Variants in KCNT2 observed in about 807,000 individuals in gnomAD.
The protein encoded by KCNT2 is potassium channel subfamily T member 2.
A neutral mutation model predicts 153.8 loss-of-function variants in KCNT2; 67 were observed. The ratio of observed to expected loss-of-function variants is 0.44; its 90% confidence interval spans 0.36 to 0.53. KCNT2 has a LOEUF of 0.53. KCNT2 is among the 20% of genes least tolerant of loss of function. The pLI is 0.00. For missense variants in KCNT2, 975 were observed against 1,354.8 expected (o/e 0.72, Z 4.40); for synonymous variants, 500 against 458.8 (o/e 1.09, Z -1.15).
chr1:196,322,328 G>A (rs1271262883), intron 19 of KCNT2, among the ~76,000 whole-genome samples: 1 of 151,668 alleles, frequency 6.6e-6, no homozygotes, highest in African/African-American at 2.4e-5. Flanking sequence ...ATATAAAGAA[G>A]TATTTGATAA....
chr1:196,284,246 A>ATATATAT (rs1206881924), intron 23 of KCNT2, among the ~76,000 whole-genome samples: 1 of 14,118 alleles, frequency 7.1e-5, no homozygotes, highest in African/African-American at 8.3e-5. Flanking sequence ...AAAAAAAAAA[A>ATATATAT]AAATATATAT....
chr1:196,524,429 TG>T lies in KCNT2; in HGVS notation c.96-32089del, dbSNP rs568814874. Among the ~76,000 whole-genome samples, 58 of 152,292 alleles carry T rather than the reference TG, an allele frequency of 3.8e-4. No individual in the cohort carries two copies. The South Asian group carries it at 7.7e-3, about 20-fold the overall frequency. On this transcript the variant is annotated intron_variant, in intron 1 of 27. Transcript: ENST00000294725. ...TTGTTACCAAAAATGAGACAATGGA[TG>T]TCCAGTGGTATAAAATAACATGTCC...
intron 25 of KCNT2, among the ~76,000 whole-genome samples, chr1:196,263,407 AT>A (rs1234470569): frequency 6.6e-6 from 1 of 152,116 alleles, no homozygotes; most frequent in Non-Finnish European, 1.5e-5. Flanking sequence ...AACACTGCAT[AT>A]TCTCACTCAT....
intron 12 of KCNT2, among the ~76,000 whole-genome samples, 183 bp from the exon 13 acceptor site, chr1:196,398,854 A>G (rs1313431790): frequency 6.6e-6 from 1 of 151,684 alleles, no homozygotes; most frequent in Non-Finnish European, 1.5e-5. Flanking sequence ...AGCTAATTCA[A>G]TCATAGCTAA....
At chr1:196,600,976 C>A (rs1156337878) in intron 1 of KCNT2, among the ~76,000 whole-genome samples, 1 of 152,174 alleles carries the variant, frequency 6.6e-6, no homozygotes, top group East Asian at 1.9e-4. Flanking sequence ...GTGCTCCAGG[C>A]CCATCCTTCT....
At chr1:196,522,865 CACTCTGTAAAATGGACCAATCAGT>C (rs926373835) in intron 1 of KCNT2, among the ~76,000 whole-genome samples, 3 of 152,086 alleles carry the variant, frequency 2.0e-5, no homozygotes, top group African/African-American at 7.2e-5. Flanking sequence ...GACCAATCAG[CACTCTGTAAAATGGACCAATCAGT>C]GCTCTGTAAA....
chr1:196,527,715 T>C (rs1654420490), intron 1 of KCNT2, among the ~76,000 whole-genome samples: 1 of 152,184 alleles, frequency 6.6e-6, no homozygotes. Flanking sequence ...AAATATGAAG[T>C]TACCATTTGA....
At chr1:196,463,696 G>C (rs1034824922) in intron 8 of KCNT2, among the ~76,000 whole-genome samples, 2 of 151,616 alleles carry the variant, frequency 1.3e-5, no homozygotes, top group Non-Finnish European at 2.9e-5. Context: ...ACATTATATA[G>C]TGGAAATTTC....
chr1:196,579,773 A>G (rs1252735656), intron 1 of KCNT2, among the ~76,000 whole-genome samples: 1 of 152,086 alleles, frequency 6.6e-6, no homozygotes, highest in Non-Finnish European at 1.5e-5. Flanking sequence ...GATTATGAGC[A>G]TGAGCCACCA....
At chr1:196,582,060 A>G (rs781017285) in intron 1 of KCNT2, among the ~76,000 whole-genome samples, 1 of 152,030 alleles carries the variant, frequency 6.6e-6, no homozygotes, top group Non-Finnish European at 1.5e-5. Context: ...ATATTTACTT[A>G]TCAACTTCTC....
chr1:196,301,317 T>C (rs973051817), intron 22 of KCNT2, among the ~76,000 whole-genome samples: 2 of 152,176 alleles, frequency 1.3e-5, no homozygotes, highest in African/African-American at 4.8e-5. Flanking sequence ...CATTGCATGG[T>C]GGGGCAATCA....
chr1:196,436,256 A>G (rs549155820), intron 8 of KCNT2, among the ~76,000 whole-genome samples: 247 of 151,756 alleles, frequency 1.6e-3, no homozygotes, highest in South Asian at 5.4e-3. Context: ...GATAATAAAT[A>G]TAAAGACTTA....
intron 1 of KCNT2, among the ~76,000 whole-genome samples, chr1:196,496,127 A>G (rs1680231208): frequency 6.6e-6 from 1 of 152,042 alleles, no homozygotes; most frequent in Non-Finnish European, 1.5e-5. Flanking sequence ...ATATTTCTAC[A>G]GTAAGACCTC....
intron 14 of KCNT2, among the ~76,000 whole-genome samples, chr1:196,345,998 T>C (rs552457415): frequency 2.0e-4 from 31 of 152,296 alleles, no homozygotes; most frequent in African/African-American, 7.2e-4. Flanking sequence ...ACAGACATAG[T>C]GTATGTGAGG....
intron 1 of KCNT2, among the ~76,000 whole-genome samples, chr1:196,509,401 T>C (rs956427775): frequency 6.6e-6 from 1 of 152,128 alleles, no homozygotes; most frequent in African/African-American, 2.4e-5. Flanking sequence ...GCAGTCAAAG[T>C]TCATAATCTA....
At chr1:196,495,647 C>T (rs1012716520) in intron 1 of KCNT2, among the ~76,000 whole-genome samples, 1 of 152,138 alleles carries the variant, frequency 6.6e-6, no homozygotes, top group East Asian at 1.9e-4. Context: ...AGTTAGTGTA[C>T]TCTTTCTGGA....
rs146407721 is a variant in KCNT2 at position 196,445,021 on chromosome 1, A to T, written c.639-15264T>A. On this transcript the variant is annotated intron_variant, in intron 8 of 27. Coordinates refer to ENST00000294725, the MANE Select transcript of KCNT2 (RefSeq NM_198503.5). ...CTAAGTTGTGAGCCCTTTATTCTCT[A>T]CAACCTACTTTTCTTTTTGCTTAAA... Among the ~76,000 whole-genome samples the T allele has an allele frequency of 8.0e-3, 1,217 of 151,500 alleles. 6 individuals are homozygous for T. The highest frequency in any genetic ancestry group is 0.017 in the Middle Eastern group (5 of 294).
At chr1:196,389,622 C>T (rs1033152091) in intron 13 of KCNT2, among the ~76,000 whole-genome samples, 3 of 151,612 alleles carry the variant, frequency 2.0e-5, no homozygotes, top group African/African-American at 7.3e-5. Context: ...AGATGTCAAA[C>T]CTCAAATGAG....
chr1:196,570,994 A>G (rs1191232414), intron 1 of KCNT2, among the ~76,000 whole-genome samples: 1 of 152,094 alleles, frequency 6.6e-6, no homozygotes, highest in East Asian at 1.9e-4. Flanking sequence ...CACTGTTCTA[A>G]TATGTCCCAT....
Sources: gnomAD v4.1 joint callset for allele counts (sites outside exome capture counted in the v4.1 genomes callset) on GRCh38, gnomAD v4.1.1 for gene constraint, MANE v1.5 for transcripts, NCBI Gene and HGNC (gene_info 2026-07-23, HGNC 2026-07-21) for gene names.